CRACR2B: variants seen among roughly 807,000 people sequenced by gnomAD.
The protein encoded by CRACR2B is EF-hand calcium-binding domain-containing protein 4A.
A neutral mutation model predicts 46.0 loss-of-function variants in CRACR2B; 50 were observed. The observed-to-expected ratio is 1.09, with a 90% CI of 0.87 to 1.38. The LOEUF is 1.38. Among genes scored for constraint, CRACR2B ranks in the 40% most tolerant of loss-of-function variants. The probability of loss-of-function intolerance (pLI) is 0.00; values close to 1 mark genes in which losing one functional copy is unlikely to be tolerated. For synonymous variants in CRACR2B, 277 were observed against 239.6 expected (o/e 1.16, Z -1.44); for missense variants, 667 against 535.0 (o/e 1.25, Z -2.43).
chr11:830,380 C>T (rs758667190), intron 5 of CRACR2B, 43 bp downstream of exon 5: 17 of 1,536,440 alleles, frequency 1.1e-5, no homozygotes, highest in East Asian at 2.4e-5. Flanking sequence ...CCAATCCCAC[C>T]TCGCTGGCCT....
intron 2 of CRACR2B, 47 bp downstream of exon 2, chr11:829,010 T>G (rs539844309): frequency 6.3e-7 from 1 of 1,593,838 alleles, no homozygotes; most frequent in Admixed American, 1.7e-5. Context: ...GCTGGAGGCC[T>G]GATCAGGAGG....
Position 830,520 on chromosome 11 carries a change from C to A in CRACR2B, c.694-101C>A, listed in dbSNP as rs534679885. The A allele has an allele frequency of 1.9e-5, 29 of 1,541,660 alleles. No homozygotes were observed. In the East Asian group the frequency reaches 6.6e-4, roughly 35 times the overall value. ...CCCCGTCCGGTCTTCTCCACCCGAC[C>A]CCGCTCCGCCCGGGCCCACTCCCAG... On this transcript the variant is annotated intron_variant, in intron 5 of 8. Transcript: ENST00000525077.
At position 828,379 on chromosome 11, in the gene CRACR2B, G is replaced by A. The variant is rs961197916; in HGVS notation, c.-229G>A. On this transcript the variant is annotated 5_prime_UTR_variant, in exon 1 of 9. Coordinates refer to ENST00000525077, the MANE Select transcript of CRACR2B (RefSeq NM_001286606.2). ...AGACCCACTGGGGCAGTACCCACAG[G>A]CCCTGAGCCTACATCAACCACCCCA... is the stretch of plus-strand genomic sequence containing the variant. 1 of 543,210 alleles carries A rather than the reference G, an allele frequency of 1.8e-6. No individual in the cohort carries two copies. The highest frequency in any genetic ancestry group is 3.2e-6 in the Non-Finnish European group (1 of 314,256). 33.6% of individuals were successfully genotyped at this position (543,210 alleles called of 1,614,324 possible). A position where few individuals can be genotyped will look rare whatever the true frequency, so the allele number is the denominator to read the frequency against.
chr11:827,155 G>A (rs953059581), upstream of CRACR2B: 3 of 152,282 alleles, frequency 2.0e-5, no homozygotes, highest in East Asian at 3.9e-4. Flanking sequence ...GGCTCCTCCC[G>A]GGGCCGGCCC....
chr11:830,465 G>C (rs139814220), intron 5 of CRACR2B, 128 bp downstream of exon 5: 1 of 1,536,260 alleles, frequency 6.5e-7, no homozygotes, highest in Non-Finnish European at 8.7e-7. Context: ...CCCTCAGCCC[G>C]AGGAGATCCC....
At position 828,778 on chromosome 11, in the gene CRACR2B, TC is replaced by T. The variant is rs767925446; in HGVS notation, c.165+11del. On this transcript the variant is annotated splice_region_variant and intron_variant, in intron 1 of 8. Coordinates refer to ENST00000525077, the MANE Select transcript of CRACR2B (RefSeq NM_001286606.2). ...TCACCAAGCACGACCTGCAGGTGAG[TC>T]CCCCACCCCAAGAGACTGCTTCGGC... 7 of 1,612,862 alleles carry T rather than the reference TC, an allele frequency of 4.3e-6. No homozygotes were observed. Among genetic ancestry groups the T allele is most frequent in the South Asian group, 2.2e-5 (2 of 91,046 alleles).
chr11:831,260 G>C lies in CRACR2B; in HGVS notation c.990G>C (p.Glu330Asp). Residue 330 changes from glutamate (E) to aspartate (D), a missense_variant, in exon 8 of 9, where the codon GAG becomes GAC. Glu to Asp is a conservative substitution (Grantham distance 45). Transcript: ENST00000525077. The part of the protein sequence containing the change: ...VVAVSRNMQK[E>D]KVSLLRQLEL... ...CCGTCTCCAGGAACATGCAGAAAGAGAAAGTCAGCCTGCTACGGCAACTGG... is the reference window on the plus strand; with the variant it reads ...CCGTCTCCAGGAACATGCAGAAAGACAAAGTCAGCCTGCTACGGCAACTGG... The C allele has an allele frequency of 1.2e-6, 2 of 1,611,212 alleles. No homozygotes were observed. The highest frequency in any genetic ancestry group is 1.7e-6 in the Non-Finnish European group (2 of 1,179,416).
intron 8 of CRACR2B, 119 bp downstream of exon 8, chr11:831,414 T>G: frequency 6.8e-7 from 1 of 1,479,772 alleles, no homozygotes; most frequent in East Asian, 2.4e-5. Flanking sequence ...TGCCTGCCTT[T>G]CACCCCTCAC....
At position 828,245 on chromosome 11, in the gene CRACR2B, CT is replaced by C. The variant is rs1329315541; in HGVS notation, c.-361del. 2.0e-5 allele frequency: 5 copies of C among 254,622 alleles called. No individual in the cohort carries two copies. The highest frequency in any genetic ancestry group is 3.0e-5 in the Non-Finnish European group (4 of 132,574). The allele number at this position is 254,622 out of a possible 1,614,324, so 15.8% of individuals were successfully genotyped here. A position where few individuals can be genotyped will look rare whatever the true frequency, so the allele number is the denominator to read the frequency against. On this transcript the variant is annotated 5_prime_UTR_variant, in exon 1 of 9. Transcript: ENST00000525077. ...CTCCTCTCAGCTTTCAGGACCCCAC[CT>C]TCCTTATCACCAGGTCTTCTCCACT...
chr11:829,028 C>T, intron 2 of CRACR2B, 65 bp downstream of exon 2: 3 of 1,580,790 alleles, frequency 1.9e-6, no homozygotes, highest in South Asian at 1.1e-5. Flanking sequence ...AGGCCTGGCA[C>T]TTGTGGCGCC....
upstream of CRACR2B, among the ~76,000 whole-genome samples, chr11:827,006 C>A (rs1407045156): frequency 6.6e-6 from 1 of 152,082 alleles, no homozygotes; most frequent in Non-Finnish European, 1.5e-5. Flanking sequence ...CTGCGCCCGC[C>A]CCCCGCAGCC....
At chr11:829,201 C>T in intron 2 of CRACR2B, 159 bp from the exon 3 acceptor site, 1 of 1,410,976 alleles carries the variant, frequency 7.1e-7, no homozygotes, top group East Asian at 2.5e-5. Flanking sequence ...TGGGAGCTGG[C>T]CTGTCACCTC....
chr11:827,553 C>G, upstream of CRACR2B: 1 of 985,172 alleles, frequency 1.0e-6, no homozygotes, highest in Non-Finnish European at 1.2e-6. Context: ...TGGGGCCCTG[C>G]TGCCGCGCGG....
chr11:829,783 C>T (rs1846239084), intron 3 of CRACR2B: 2 of 1,128,674 alleles, frequency 1.8e-6, no homozygotes, highest in Non-Finnish European at 2.4e-6. Context: ...GGCCACATAC[C>T]GGCACTGCCC....
chr11:830,842 G>C (rs1419510205), intron 6 of CRACR2B, 24 bp from the exon 7 acceptor site: 2 of 1,502,842 alleles, frequency 1.3e-6, no homozygotes, highest in Non-Finnish European at 1.8e-6. Context: ...GTTCCTCGCC[G>C]GTCTCCATCC....
chr11:830,746 T>C, intron 6 of CRACR2B, 33 bp downstream of exon 6: 2 of 1,506,710 alleles, frequency 1.3e-6, no homozygotes, highest in Non-Finnish European at 1.8e-6. Flanking sequence ...GTCCCCACGG[T>C]CACCCGTGCA....
chr11:827,325 G>C (rs868256058), upstream of CRACR2B: 11 of 153,484 alleles, frequency 7.2e-5, no homozygotes, highest in Non-Finnish European at 1.6e-4. Context: ...GCGGGTAGGC[G>C]ACCGCTGGTC....
At position 828,592 on chromosome 11, in the gene CRACR2B, G is replaced by A. The variant is rs1846086146; in HGVS notation, c.-16G>A. On this transcript the variant is annotated 5_prime_UTR_variant, in exon 1 of 9. Transcript: ENST00000525077. ...CTTCACAGCACCTGAAGGCCAGGCT[G>A]AGGCCCCCTGCTCTCATGGCCAGCC... is the stretch of plus-strand genomic sequence containing the variant. The A allele has an allele frequency of 6.4e-7, 1 of 1,574,232 alleles. No individual in the cohort carries two copies. Among genetic ancestry groups the A allele is most frequent in the Non-Finnish European group, 8.6e-7 (1 of 1,168,178 alleles).
In CRACR2B at chr11:831,963, G is replaced by A; in HGVS notation, c.*254G>A. On this transcript the variant is annotated 3_prime_UTR_variant, in exon 9 of 9. Transcript: ENST00000525077. ...TCTCAGTTCAGCAGAAAACCCCCTC[G>A]TCAAATAAAACCCACTGACTGCACT... The A allele has an allele frequency of 6.1e-6, 3 of 493,184 alleles. No homozygotes were observed. The highest frequency in any genetic ancestry group is 1.1e-5 in the Non-Finnish European group (3 of 283,884). The allele number at this position is 493,184 out of a possible 1,614,324, so 30.6% of individuals were successfully genotyped here.
Sources: gnomAD v4.1 joint callset for allele counts (sites outside exome capture counted in the v4.1 genomes callset) on GRCh38, gnomAD v4.1.1 for gene constraint, MANE v1.5 for transcripts, NCBI Gene and HGNC (gene_info 2026-07-23, HGNC 2026-07-21) for gene names.